Variants in TMEM150C observed in about 807,000 individuals in gnomAD.
The protein encoded by TMEM150C is transmembrane protein 150C.
A neutral mutation model predicts 29.9 loss-of-function variants in TMEM150C; 10 were observed. The ratio of observed to expected loss-of-function variants is 0.33; its 90% confidence interval spans 0.21 to 0.57. The LOEUF is 0.57. TMEM150C is among the 20% of genes least tolerant of loss of function. The pLI is 0.88. For synonymous variants in TMEM150C, 101 were observed against 112.5 expected, an observed-to-expected ratio of 0.90 and a Z score of 0.64; for missense variants, 251 against 303.6, an observed-to-expected ratio of 0.83 and a Z score of 1.29.
chr4:82,520,933 C>T (rs1578138903), intron 1 of TMEM150C, among the ~76,000 whole-genome samples: 2 of 152,272 alleles, frequency 1.3e-5, no homozygotes, highest in East Asian at 3.9e-4. Context: ...TCAGAGCAAC[C>T]GTCCCTTCCT....
At chr4:82,562,036 G>A, upstream of TMEM150C, 1 of 1,094,112 alleles carries the variant, frequency 9.1e-7, no homozygotes, top group Non-Finnish European at 1.1e-6. Context: ...CCGCCCGCCC[G>A]GCCCCCTCCT....
chr4:82,495,531 T>C, intron 6 of TMEM150C: 1 of 356,494 alleles, frequency 2.8e-6, no homozygotes. Flanking sequence ...TAGCCTTCTC[T>C]CTTTTTTTTC....
intron 7 of TMEM150C, among the ~76,000 whole-genome samples, chr4:82,487,405 T>C (rs1723199009): frequency 6.6e-6 from 1 of 152,140 alleles, no homozygotes; most frequent in Non-Finnish European, 1.5e-5. Context: ...GCCAATATCA[T>C]GCCCCTGCAC....
At chr4:82,540,039 T>A (rs1449583042) in intron 1 of TMEM150C, among the ~76,000 whole-genome samples, 1 of 151,360 alleles carries the variant, frequency 6.6e-6, no homozygotes, top group Non-Finnish European at 1.5e-5. Flanking sequence ...GAAGGAACTG[T>A]TGAGGCAAAC....
At chr4:82,499,655 G>A (rs1000229580) in intron 5 of TMEM150C, among the ~76,000 whole-genome samples, 5 of 141,894 alleles carry the variant, frequency 3.5e-5, no homozygotes, top group Admixed American at 7.8e-5. Flanking sequence ...CCTGGGAAGC[G>A]GAAGTTGTGG....
intron 1 of TMEM150C, among the ~76,000 whole-genome samples, chr4:82,557,668 T>A (rs1245787345): frequency 5.9e-5 from 9 of 151,636 alleles, no homozygotes. Context: ...GTTTTTAGAG[T>A]AGGGTTGAAC....
intron 6 of TMEM150C, chr4:82,495,389 T>C (rs978139186): frequency 2.7e-5 from 7 of 261,848 alleles, no homozygotes; most frequent in Non-Finnish European, 5.2e-5. Flanking sequence ...TGCAGTAAGC[T>C]GAGATCTCGC....
intron 1 of TMEM150C, among the ~76,000 whole-genome samples, chr4:82,523,935 G>A (rs1442838919): frequency 2.7e-5 from 4 of 149,998 alleles, no homozygotes; most frequent in Non-Finnish European, 5.9e-5. Context: ...GCCCACCTCC[G>A]TCTCCCAAAA....
chr4:82,491,047 G>C (rs761458344), intron 6 of TMEM150C: 1 of 730,370 alleles, frequency 1.4e-6, no homozygotes, highest in African/African-American at 1.7e-5. Context: ...CTGTGGACTA[G>C]ACGTCCCAGT....
intron 1 of TMEM150C, among the ~76,000 whole-genome samples, chr4:82,527,547 G>C (rs1724694875): frequency 6.6e-6 from 1 of 152,156 alleles, no homozygotes; most frequent in Non-Finnish European, 1.5e-5. Flanking sequence ...GACGAGGGCT[G>C]ACCGGGTTCC....
At chr4:82,528,852 C>A (rs545225539) in intron 1 of TMEM150C, among the ~76,000 whole-genome samples, 2 of 152,196 alleles carry the variant, frequency 1.3e-5, no homozygotes, top group Admixed American at 1.3e-4. Flanking sequence ...CCTCGGCCTC[C>A]CAAAGTATCC....
intron 6 of TMEM150C, among the ~76,000 whole-genome samples, chr4:82,492,988 A>T (rs1480393698): frequency 6.7e-6 from 1 of 149,118 alleles, no homozygotes; most frequent in African/African-American, 2.5e-5. Context: ...TTTTTAAAAA[A>T]TTTTCTTCCT....
At chr4:82,495,518 G>GTA (rs1011109257) in intron 6 of TMEM150C, 1 of 369,820 alleles carries the variant, frequency 2.7e-6, no homozygotes. Flanking sequence ...GTCAGTCCAG[G>GTA]TATAGCCTTC....
chr4:82,556,865 G>A (rs543058446), intron 1 of TMEM150C, among the ~76,000 whole-genome samples: 1 of 152,300 alleles, frequency 6.6e-6, no homozygotes, highest in African/African-American at 2.4e-5. Context: ...TTATCAGGGG[G>A]TGTTAATATC....
At chr4:82,486,821 T>G (rs1723176890) in intron 7 of TMEM150C, among the ~76,000 whole-genome samples, 1 of 151,974 alleles carries the variant, frequency 6.6e-6, no homozygotes, top group African/African-American at 2.4e-5. Context: ...GTGTGTTGTG[T>G]GTATCTGTAT....
At chr4:82,528,672 C>T (rs557428536) in intron 1 of TMEM150C, among the ~76,000 whole-genome samples, 1 of 149,720 alleles carries the variant, frequency 6.7e-6, no homozygotes, top group South Asian at 2.1e-4. Flanking sequence ...AATCTTGGCT[C>T]ACTGCAACCT....
intron 5 of TMEM150C, among the ~76,000 whole-genome samples, chr4:82,498,575 C>T (rs1723631030): frequency 6.6e-6 from 1 of 152,230 alleles, no homozygotes; most frequent in African/African-American, 2.4e-5. Context: ...CAGTGAGCCA[C>T]CGCGCCTGGC....
intron 1 of TMEM150C, among the ~76,000 whole-genome samples, chr4:82,510,075 C>T (rs973000408): frequency 1.3e-5 from 2 of 151,932 alleles, no homozygotes. Context: ...GTCAGGAGAT[C>T]GAGACCATCC....
intron 1 of TMEM150C, among the ~76,000 whole-genome samples, chr4:82,524,129 G>A (rs561251850): frequency 6.6e-6 from 1 of 151,202 alleles, no homozygotes; most frequent in Non-Finnish European, 1.5e-5. Flanking sequence ...TTAGCAGGGC[G>A]TGGTGGTGGG....
Sources: allele counts gnomAD v4.1 joint callset (sites outside exome capture counted in the v4.1 genomes callset), GRCh38; gene constraint gnomAD v4.1.1; transcripts MANE v1.5; gene names NCBI Gene and HGNC (gene_info 2026-07-23, HGNC 2026-07-21).